Variants in SARDH observed in about 807,000 individuals in gnomAD.
The protein encoded by SARDH is sarcosine dehydrogenase.
A neutral mutation model predicts 109.1 loss-of-function variants in SARDH; 95 were observed. The ratio of observed to expected loss-of-function variants is 0.87; its 90% CI spans 0.74 to 1.03. The LOEUF (loss-of-function observed/expected upper bound fraction) is 1.03, where lower values mean the gene tolerates loss of function less well. Among genes scored for constraint, SARDH ranks in the 50% least tolerant of loss-of-function variants. SARDH has a pLI of 0.00. For missense variants in SARDH, 1,267 were observed against 1,287.8 expected (o/e 0.98, Z 0.25); for synonymous variants, 572 against 534.8 (o/e 1.07, Z -0.96).
chr9:133,678,784 C>A (rs1830601394), intron 17 of SARDH, among the ~76,000 whole-genome samples: 1 of 152,210 alleles, frequency 6.6e-6, no homozygotes, highest in South Asian at 2.1e-4. Flanking sequence ...TCTCTGGGTC[C>A]CCCTTTCTGA....
At chr9:133,713,006 TG>T in intron 9 of SARDH, 31 bp downstream of exon 9, 2 of 1,587,660 alleles carry the variant, frequency 1.3e-6, no homozygotes, top group Non-Finnish European at 1.7e-6. Context: ...ACCTCCCTCT[TG>T]GGGGCCAGGA....
intron 13 of SARDH, among the ~76,000 whole-genome samples, chr9:133,697,162 C>T (rs777514303): frequency 3.3e-5 from 5 of 152,078 alleles, no homozygotes; most frequent in African/African-American, 4.8e-5. Flanking sequence ...GAGGGAACTC[C>T]GAACACGTGT....
At chr9:133,674,363 C>T (rs1032313682) in intron 17 of SARDH, among the ~76,000 whole-genome samples, 6 of 152,234 alleles carry the variant, frequency 3.9e-5, no homozygotes, top group Admixed American at 2.0e-4. Context: ...GGTCCCGGCA[C>T]GTCGTCCTTG....
At chr9:133,732,676 A>AT in intron 2 of SARDH, 75 bp from the exon 3 acceptor site, 3 of 1,462,226 alleles carry the variant, frequency 2.1e-6, no homozygotes, top group Non-Finnish European at 2.8e-6. Flanking sequence ...ATATCAGGGG[A>AT]TACCCTGATA....
chr9:133,723,335 G>A (rs1264422187), intron 6 of SARDH, among the ~76,000 whole-genome samples: 1 of 152,178 alleles, frequency 6.6e-6, no homozygotes, highest in Non-Finnish European at 1.5e-5. Flanking sequence ...AAACAATTTT[G>A]AAAAGGAAAA....
chr9:133,713,352 C>T (rs1049109550), intron 8 of SARDH, among the ~76,000 whole-genome samples: 26 of 152,156 alleles, frequency 1.7e-4, no homozygotes, highest in Non-Finnish European at 4.4e-5. Context: ...CAGCTGACGG[C>T]GACCTGGCTG....
intron 13 of SARDH, among the ~76,000 whole-genome samples, chr9:133,700,020 T>A (rs1052096648): frequency 6.6e-6 from 1 of 152,228 alleles, no homozygotes; most frequent in Non-Finnish European, 1.5e-5. Flanking sequence ...CAATGGAATA[T>A]GATTGGGATA....
chr9:133,681,825 G>A (rs1253953503), intron 17 of SARDH, among the ~76,000 whole-genome samples: 1 of 152,168 alleles, frequency 6.6e-6, no homozygotes, highest in Non-Finnish European at 1.5e-5. Context: ...CCTTATGCGT[G>A]TAGCACCTCC....
intron 11 of SARDH, among the ~76,000 whole-genome samples, chr9:133,707,092 A>G (rs972366676): frequency 6.6e-6 from 1 of 152,220 alleles, no homozygotes; most frequent in African/African-American, 2.4e-5. Flanking sequence ...TCTTTATAAA[A>G]GAAAGAAAGA....
Position 133,692,484 on chromosome 9 carries a change from C to A in SARDH, c.1921+1774G>T, listed in dbSNP as rs2797820. On this transcript the variant is annotated intron_variant, in intron 15 of 20. Transcript: ENST00000439388. The surrounding 1 kb of genome is among the most constrained non-coding windows in gnomAD (Gnocchi z 5.0). ...GTCACACTGGTTCTCACCTCTACAC[C>A]CTTGTAGCCAGTGGCTCCTCCCCAT... 6.6e-6 allele frequency among the ~76,000 whole-genome samples: 1 copy of A among 151,936 alleles called. No individual in the cohort carries two copies. The highest frequency in any genetic ancestry group is 2.4e-5 in the African/African-American group (1 of 41,346).
chr9:133,675,113 G>T (rs1033952674), intron 17 of SARDH, among the ~76,000 whole-genome samples: 1 of 152,138 alleles, frequency 6.6e-6, no homozygotes, highest in African/African-American at 2.4e-5. Context: ...GGAGACCAAG[G>T]TGGGAGGACC....
At chr9:133,676,909 T>C (rs1830532415) in intron 17 of SARDH, among the ~76,000 whole-genome samples, 1 of 152,160 alleles carries the variant, frequency 6.6e-6, no homozygotes, top group Non-Finnish European at 1.5e-5. Flanking sequence ...GAGGCCGAGT[T>C]GGGCGGATCA....
chr9:133,716,575 C>A (rs112016628), intron 8 of SARDH, among the ~76,000 whole-genome samples: 1 of 151,208 alleles, frequency 6.6e-6, no homozygotes. Context: ...AGCCCCACAC[C>A]CGCCCCCTGG....
At chr9:133,720,332 A>G (rs1832280853) in intron 6 of SARDH, among the ~76,000 whole-genome samples, 2 of 152,044 alleles carry the variant, frequency 1.3e-5, no homozygotes, top group African/African-American at 4.8e-5. Context: ...GGAGTCTGAG[A>G]CAGGAGAATG....
chr9:133,732,665 A>G (rs754503485), intron 2 of SARDH, 64 bp from the exon 3 acceptor site: 3 of 1,504,256 alleles, frequency 2.0e-6, no homozygotes, highest in Non-Finnish European at 2.7e-6. Flanking sequence ...CCCCCAGACG[A>G]ATATCAGGGG....
rs142215950 is a variant in SARDH at position 133,670,480 on chromosome 9, G to A, written c.2495+104C>T. On this transcript the variant is annotated intron_variant, in intron 19 of 20. Coordinates refer to ENST00000439388, the MANE Select transcript of SARDH (RefSeq NM_001134707.2). ...CTGGAAGAGCATGGCTGGCACATGG[G>A]AAGTGTTGGTACCAGGGGCTTTGAG... The A allele has an allele frequency of 6.8e-4, 845 of 1,248,110 alleles. 19 individuals are homozygous for A. In the East Asian group the frequency reaches 0.022, roughly 32 times the overall value. 77.3% of individuals were successfully genotyped at this position (1,248,110 alleles called of 1,614,324 possible).
chr9:133,685,148 A>G (rs772972407), intron 17 of SARDH, 45 bp downstream of exon 17: 1 of 1,557,222 alleles, frequency 6.4e-7, no homozygotes, highest in South Asian at 1.1e-5. Flanking sequence ...CCCTCACACC[A>G]TGCTGCCACC....
At chr9:133,732,325 T>C in intron 3 of SARDH, 98 bp downstream of exon 3, 25 of 446,002 alleles carry the variant, frequency 5.6e-5, no homozygotes, top group South Asian at 1.4e-4. Flanking sequence ...GAGCCCACCC[T>C]ACCCCCCCAC....
At chr9:133,675,349 T>A (rs1424726213) in intron 17 of SARDH, among the ~76,000 whole-genome samples, 9 of 145,282 alleles carry the variant, frequency 6.2e-5, no homozygotes, top group African/African-American at 2.0e-4. Flanking sequence ...AGACTCCATT[T>A]AAAAAAAAAA....
Sources: gnomAD v4.1 joint callset for allele counts (sites outside exome capture counted in the v4.1 genomes callset) on GRCh38, gnomAD v4.1.1 for gene constraint, Gnocchi (gnomAD v3.1) non-coding constraint, MANE v1.5 for transcripts, NCBI Gene and HGNC (gene_info 2026-07-23, HGNC 2026-07-21) for gene names.